Variants in ZNF451 observed in about 807,000 individuals in gnomAD.
The protein encoded by ZNF451 is E3 SUMO-protein ligase ZNF451.
In ZNF451, 80 loss-of-function variants were observed where a neutral mutation model predicts 107.1. That is an observed-to-expected ratio of 0.75 (90% CI 0.62 to 0.90). The LOEUF (loss-of-function observed/expected upper bound fraction) is 0.90. ZNF451 is among the 40% of genes least tolerant of loss of function. ZNF451 has a pLI of 0.00. For missense variants in ZNF451, 1,107 were observed against 1,236.2 expected, an observed-to-expected ratio of 0.90 and a Z score of 1.57; for synonymous variants, 362 against 406.5, an observed-to-expected ratio of 0.89 and a Z score of 1.32.
In ZNF451 at chr6:57,133,072, C is replaced by T; in HGVS notation, c.455C>T (p.Thr152Ile). ...GLKTGTINCG[T>I]KSSFRRGGHT... ...AAAACAGGCACAATTAATTGTGGAACAAAAAGTTCATTCCGAAGAGGAGGC... is the reference window on the plus strand; with the variant it reads ...AAAACAGGCACAATTAATTGTGGAATAAAAAGTTCATTCCGAAGAGGAGGC... The change falls in exon 6 of 15, where the codon ACA becomes ATA. Residue 152 changes from threonine to isoleucine, a missense_variant. By Grantham distance (89) the Thr-to-Ile change is moderately conservative. Coordinates refer to ENST00000370706, the MANE Select transcript of ZNF451 (RefSeq NM_001031623.3). 1 of 1,614,044 alleles carries T rather than the reference C, an allele frequency of 6.2e-7. No homozygotes were observed. Among genetic ancestry groups the T allele is most frequent in the Non-Finnish European group, 8.5e-7 (1 of 1,179,964 alleles).
chr6:57,106,270 C>G (rs534407257), intron 3 of ZNF451: 2 of 793,896 alleles, frequency 2.5e-6, no homozygotes, highest in Non-Finnish European at 3.0e-6. Context: ...TGGATTAGAT[C>G]TTTGTAGAAG....
In ZNF451 at chr6:57,128,777, A is replaced by C. The variant is rs1237419395; in HGVS notation, c.361A>C (p.Ile121Leu). ...TCATGGGTTACAAGAATTGGAATTT[A>C]TTCGAGGACATTCTGATACAGAAGC... ...HAHGLQELEF[I>L]RGHSDTEAAR... The change falls in exon 5 of 15, where the codon ATT (isoleucine) becomes CTT (leucine). Residue 121 changes from isoleucine (I) to leucine (L), a missense_variant. This residue lies in a region of ZNF451 where 339 missense variants were observed against 372.8 expected (regional missense o/e 0.91). Transcript: ENST00000370706. 2 of 1,613,074 alleles carry C rather than the reference A, an allele frequency of 1.2e-6. No homozygotes were observed. The highest frequency in any genetic ancestry group is 1.7e-6 in the Non-Finnish European group (2 of 1,179,440).
At chr6:57,100,386 G>A (rs1044228081) in intron 3 of ZNF451, among the ~76,000 whole-genome samples, 1 of 152,118 alleles carries the variant, frequency 6.6e-6, no homozygotes, top group South Asian at 2.1e-4. Flanking sequence ...ATTAATGCCA[G>A]TAGTTGATTT....
intron 3 of ZNF451, chr6:57,102,891 G>A: frequency 1.0e-6 from 1 of 985,398 alleles, no homozygotes; most frequent in Non-Finnish European, 1.2e-6. Context: ...TGAGAGAATT[G>A]TTTGTTGTTA....
intron 13 of ZNF451, chr6:57,159,071 G>GAAAACTAT: frequency 5.1e-6 from 5 of 985,408 alleles, no homozygotes; most frequent in Non-Finnish European, 6.0e-6. Flanking sequence ...GCCTGTTAAT[G>GAAAACTAT]AAAACTATAG....
At chr6:57,150,649 T>C in intron 10 of ZNF451, 70 bp from the exon 11 acceptor site, 1 of 1,484,774 alleles carries the variant, frequency 6.7e-7, no homozygotes, top group East Asian at 2.3e-5. Context: ...TCTAATACTT[T>C]TTGGACTTGA....
rs535124586 is a variant in ZNF451 at position 57,105,666 on chromosome 6, C to T, written c.186+6525C>T. ...TAGTGAGTGGCTAATTTTGGGGGGC[C>T]TTAAGGCAGCTTTGTTTTCTATAGA... On this transcript the variant is annotated intron_variant, in intron 3 of 14. Transcript: ENST00000370706. 36 of 985,306 alleles carry T rather than the reference C, an allele frequency of 3.7e-5. No individual in the cohort carries two copies. In the African/African-American group the frequency reaches 5.9e-4, roughly 16 times the overall value. The allele number at this position is 985,306 out of a possible 1,614,324, so 61.0% of individuals were successfully genotyped here.
intron 3 of ZNF451, chr6:57,105,814 A>G (rs1829825742): frequency 1.0e-6 from 1 of 985,328 alleles, no homozygotes; most frequent in Admixed American, 6.1e-5. Flanking sequence ...TTTAAAAAGC[A>G]GTAAATTTGC....
rs758399871 is a variant in ZNF451, at chr6:57,147,169, G to C, written c.1084G>C (p.Gly362Arg). ...GGTTGCAGAGAAATTCATATTAAGA[G>C]GTTATTGTCCAGATTGCAATCAAGT... is the stretch of plus-strand genomic sequence containing the variant. ...TQVAEKFILR[G>R]YCPDCNQVFV... Residue 362 changes from glycine (G) to arginine (R), a missense_variant, in exon 10 of 15, where the codon GGT (glycine) becomes CGT (arginine). Around this residue, in one of 5 missense-constraint regions of ZNF451, gnomAD observed 608 missense variants for 649.2 expected, o/e 0.94. Transcript: ENST00000370706. 1 of 1,614,046 alleles carries C rather than the reference G, an allele frequency of 6.2e-7. No individual in the cohort carries two copies. Among genetic ancestry groups the C allele is most frequent in the Non-Finnish European group, 8.5e-7 (1 of 1,179,944 alleles).
intron 7 of ZNF451, among the ~76,000 whole-genome samples, chr6:57,140,659 A>AC: frequency 6.6e-6 from 1 of 152,146 alleles, no homozygotes; most frequent in African/African-American, 2.4e-5. Flanking sequence ...GGAAAAAAAA[A>AC]CCCAAAACTT....
In ZNF451 at chr6:57,141,344, A is replaced by G. The variant is rs1320597012; in HGVS notation, c.745A>G (p.Ile249Val). The part of the protein sequence containing the change: ...DGHNNNLLPQ[I>V]IQCFACPNCF... ...ACATAACAACAACCTTCTTCCTCAG[A>G]TTATTCAGTGTTTTGCATGTCCAAA... Residue 249 changes from isoleucine (I) to valine (V), a missense_variant, in exon 8 of 15, where the codon ATT (isoleucine) becomes GTT (valine). Coordinates refer to ENST00000370706, the MANE Select transcript of ZNF451 (RefSeq NM_001031623.3). The G allele has an allele frequency of 6.2e-7, 1 of 1,612,968 alleles. No individual in the cohort carries two copies.
At chr6:57,163,236 A>ATCTT (rs1763746655) in intron 14 of ZNF451, among the ~76,000 whole-genome samples, 1 of 151,912 alleles carries the variant, frequency 6.6e-6, no homozygotes, top group African/African-American at 2.4e-5. Flanking sequence ...TAGATTGTCC[A>ATCTT]TCTTTAGACA....
intron 3 of ZNF451, chr6:57,103,028 A>G: frequency 1.0e-6 from 1 of 985,416 alleles, no homozygotes; most frequent in Non-Finnish European, 1.2e-6. Context: ...CCTTCTAAAC[A>G]TTTAATTCTT....
chr6:57,158,582 CAT>C (rs1435407295), intron 13 of ZNF451: 21 of 985,280 alleles, frequency 2.1e-5, no homozygotes, highest in Admixed American at 1.2e-4. Context: ...AGTACTGCAA[CAT>C]GTGGTTTCAA....
At chr6:57,164,604 G>A (rs1444809827) in intron 14 of ZNF451, among the ~76,000 whole-genome samples, 1 of 152,246 alleles carries the variant, frequency 6.6e-6, no homozygotes, top group South Asian at 2.1e-4. Context: ...TCAATTAATA[G>A]CAGTCAAAAC....
chr6:57,117,231 G>A (rs1475894644), intron 3 of ZNF451, among the ~76,000 whole-genome samples: 2 of 152,050 alleles, frequency 1.3e-5, no homozygotes, highest in Admixed American at 1.3e-4. Flanking sequence ...TGTTGGTTGA[G>A]CATCCCTGAT....
At chr6:57,104,159 C>T (rs1387541862) in intron 3 of ZNF451, 18 of 985,158 alleles carry the variant, frequency 1.8e-5, no homozygotes, top group Non-Finnish European at 2.2e-5. Flanking sequence ...GTGTTCTCTA[C>T]AAAGTGTCTT....
Position 57,133,265 on chromosome 6 carries a change from G to A in ZNF451, c.575+73G>A, listed in dbSNP as rs138118315. 1.1e-3 allele frequency: 1,585 copies of A among 1,408,440 alleles called. 22 individuals carry two copies. In the East Asian group the frequency reaches 0.029, roughly 26 times the overall value. The allele number at this position is 1,408,440 out of a possible 1,614,324, so 87.2% of individuals were successfully genotyped here. On this transcript the variant is annotated intron_variant, in intron 6 of 14. Coordinates refer to ENST00000370706, the MANE Select transcript of ZNF451 (RefSeq NM_001031623.3). ...CCAAGTGATTTCATAAAATGAAAGC[G>A]TAATGCTCCTTTGCCATTATGATTA...
rs1831261793 is a variant in ZNF451 at position 57,133,113 on chromosome 6, G to A, written c.496G>A (p.Gly166Arg). 5 of 1,614,144 alleles carry A rather than the reference G, an allele frequency of 3.1e-6. No individual in the cohort carries two copies. Among genetic ancestry groups the A allele is most frequent in the Non-Finnish European group, 1.7e-6 (2 of 1,180,004 alleles). Residue 166 changes from glycine (G) to arginine (R), a missense_variant, in exon 6 of 15, where the codon GGG (glycine) becomes AGG (arginine). By Grantham distance (125) the Gly-to-Arg change is moderately radical. Coordinates refer to ENST00000370706, the MANE Select transcript of ZNF451 (RefSeq NM_001031623.3). ...AAGAGGAGGCCACACGTGGGTGTCT[G>A]GGAAACCAATTTTATGTCCTATAAT... is the stretch of plus-strand genomic sequence containing the variant. ...FRRGGHTWVS[G>R]KPILCPIMHC...
Sources: gnomAD v4.1 joint callset for allele counts (sites outside exome capture counted in the v4.1 genomes callset) on GRCh38, gnomAD v4.1.1 for gene constraint, gnomAD v4.1.1 regional missense constraint, MANE v1.5 for transcripts, NCBI Gene and HGNC (gene_info 2026-07-23, HGNC 2026-07-21) for gene names.